The following JAKMIP3 variants were observed in gnomAD, a reference collection of about 807,000 sequenced individuals.
The protein encoded by JAKMIP3 is janus kinase and microtubule-interacting protein 3.
In JAKMIP3, 58 loss-of-function variants were observed where a neutral mutation model predicts 118.5. The observed-to-expected ratio is 0.49, with a 90% confidence interval of 0.40 to 0.61. The LOEUF is 0.61. Among genes scored for constraint, JAKMIP3 ranks in the 20% least tolerant of loss-of-function variants. The pLI, the probability that JAKMIP3 is intolerant of heterozygous loss-of-function variation, is 0.00. For synonymous variants in JAKMIP3, 486 were observed against 451.2 expected (o/e 1.08, Z -0.98); for missense variants, 950 against 1,109.0 (o/e 0.86, Z 2.04).
chr10:132,040,910 C>T lies in JAKMIP3; in HGVS notation c.-138+4172C>T, dbSNP rs375753970. On this transcript the variant is annotated intron_variant, in intron 1 of 23. Coordinates refer to the JAKMIP3 transcript ENST00000657785. ...GTTGTGATTTGACTATTTTCAACAC[C>T]TCATAGAACTGGAATCATGCAGTAC... Among the ~76,000 whole-genome samples, 26 of 152,224 alleles carry T rather than the reference C, an allele frequency of 1.7e-4. No individual in the cohort carries two copies. In the South Asian group the frequency reaches 5.4e-3, roughly 32 times the overall value.
intron 23 of JAKMIP3, among the ~76,000 whole-genome samples, chr10:132,180,606 T>TGTGC (rs2060855264): frequency 1.6e-4 from 4 of 24,800 alleles, no homozygotes; most frequent in African/African-American, 9.5e-4. Context: ...TGCGTGCGCG[T>TGTGC]GTGTGTGTGC....
rs2048002417 is a variant in JAKMIP3, at chr10:132,118,112, A to G, written c.633+538A>G. ...GGCCCCGGGGGGTGGGATGGCCCCC[A>G]GCTGCCCTGAGGTCCCTGTCTCTGC... On this transcript the variant is annotated intron_variant, in intron 3 of 23. Transcript: ENST00000684848. The surrounding 1 kb of genome is among the most constrained non-coding windows in gnomAD (Gnocchi z 4.8). Among the ~76,000 whole-genome samples, 1 of 152,114 alleles carries G rather than the reference A, an allele frequency of 6.6e-6. No homozygotes were observed. Among genetic ancestry groups the G allele is most frequent in the African/African-American group, 2.4e-5 (1 of 41,418 alleles).
At chr10:132,071,695 C>A (rs765942319) in intron 1 of JAKMIP3, among the ~76,000 whole-genome samples, 2 of 152,134 alleles carry the variant, frequency 1.3e-5, no homozygotes, top group Non-Finnish European at 2.9e-5. Flanking sequence ...ATGTATAGCT[C>A]TTGTTGTCCC....
chr10:132,069,092 C>G, intron 1 of JAKMIP3, among the ~76,000 whole-genome samples: 1 of 152,080 alleles, frequency 6.6e-6, no homozygotes, highest in East Asian at 1.9e-4. Context: ...GGAATCCTAC[C>G]CAGGCGCCAT....
intron 23 of JAKMIP3, among the ~76,000 whole-genome samples, chr10:132,176,010 C>T (rs1026567635): frequency 6.6e-6 from 1 of 152,242 alleles, no homozygotes; most frequent in Non-Finnish European, 1.5e-5. Context: ...CTGGGGGAAG[C>T]GCCCCTCCCT....
Position 132,117,266 on chromosome 10 carries a change from A to G in JAKMIP3, c.325A>G (p.Lys109Glu), listed in dbSNP as rs747520782. 6.2e-7 allele frequency: 1 copy of G among 1,613,958 alleles called. No individual in the cohort carries two copies. The highest frequency in any genetic ancestry group is 8.5e-7 in the Non-Finnish European group (1 of 1,179,880). Reference protein sequence around the residue: ...EAELLRVIKIKDNENQRLQAL... With the variant: ...EAELLRVIKIEDNENQRLQAL... The stretch of plus-strand genomic sequence containing the variant: ...TGAGCTGCTCAGGGTCATCAAGATC[A>G]AGGACAACGAGAACCAGCGGCTGCA... The change falls in exon 3 of 24, where the codon AAG becomes GAG. Residue 109 changes from lysine to glutamate, a missense_variant. Transcript: ENST00000684848. The surrounding 1 kb of genome is among the most constrained non-coding windows in gnomAD (Gnocchi z 8.6).
chr10:132,064,465 TG>T (rs1324204321), upstream of JAKMIP3, among the ~76,000 whole-genome samples: 3 of 152,074 alleles, frequency 2.0e-5, no homozygotes, highest in African/African-American at 7.2e-5. The surrounding 1 kb of genome is among the most constrained non-coding windows in gnomAD (Gnocchi z 4.4). Context: ...GAACCCTCTT[TG>T]CTTCAGGGCA....
In JAKMIP3 at chr10:132,137,007, T is replaced by C. The variant is rs769001612; in HGVS notation, c.1117-12T>C. The C allele has an allele frequency of 6.2e-7, 1 of 1,612,086 alleles. No individual in the cohort carries two copies. The highest frequency in any genetic ancestry group is 2.2e-5 in the East Asian group (1 of 44,866). On this transcript the variant is annotated splice_polypyrimidine_tract_variant and intron_variant, in intron 6 of 23. Transcript: ENST00000684848. ...CTCCCCAACTTGTGATGTGGGCTGC[T>C]TGGCGTTTCAGAGACAGAGAGCTGG... is the stretch of plus-strand genomic sequence containing the variant.
At chr10:132,135,354 A>G (rs2051529864) in intron 5 of JAKMIP3, among the ~76,000 whole-genome samples, 194 bp downstream of exon 5, 1 of 152,194 alleles carries the variant, frequency 6.6e-6, no homozygotes, top group South Asian at 2.1e-4. Flanking sequence ...TTTGCCCCTC[A>G]AGGGCTGGTT....
chr10:132,139,393 A>G (rs565907427), intron 9 of JAKMIP3, among the ~76,000 whole-genome samples: 23 of 96,006 alleles, frequency 2.4e-4, no homozygotes, highest in African/African-American at 1.1e-3. Flanking sequence ...TGAGTGTATG[A>G]GTATGTGAGT....
chr10:132,147,924 C>T (rs756557719), intron 13 of JAKMIP3, 28 bp from the exon 14 acceptor site: 1 of 1,511,844 alleles, frequency 6.6e-7, no homozygotes. Context: ...AACCAGACCC[C>T]TCACCTCATG....
chr10:132,149,993 T>C lies in JAKMIP3; in HGVS notation c.1959T>C (p.Val653=). The C allele has an allele frequency of 1.3e-6, 2 of 1,580,598 alleles. No individual in the cohort carries two copies. Among genetic ancestry groups the C allele is most frequent in the Middle Eastern group, 1.7e-4 (1 of 6,006 alleles). Reference sequence around the variant, plus strand: ...CCTCTGTGCCTTAGGACATTGTGGTTGCGGAGCTGATGAAGAAGCTGGACA... The same window carrying C: ...CCTCTGTGCCTTAGGACATTGTGGTCGCGGAGCTGATGAAGAAGCTGGACA... ...CEAEGVTDIV[V]AELMKKLDIL... Residue 653 remains valine, a synonymous_variant, in exon 16 of 24, where the codon GTT becomes GTC. Coordinates refer to ENST00000684848, the MANE Select transcript of JAKMIP3 (RefSeq NM_001323087.2).
intron 3 of JAKMIP3, among the ~76,000 whole-genome samples, chr10:132,131,432 G>A (rs557580846): frequency 6.6e-6 from 1 of 151,396 alleles, no homozygotes; most frequent in South Asian, 2.1e-4. Flanking sequence ...AGGGTATGGG[G>A]GCCTGAGAGA....
chr10:132,045,263 G>A (rs9419165), intron 1 of JAKMIP3, among the ~76,000 whole-genome samples: 131,397 of 152,124 alleles, frequency 0.86, 56,811 homozygotes, highest in East Asian at 1. Context: ...GCGTTTCCCC[G>A]GTGAGCAGGG....
intron 1 of JAKMIP3, among the ~76,000 whole-genome samples, chr10:132,099,772 C>T (rs764554031): frequency 4.6e-5 from 7 of 152,230 alleles, no homozygotes; most frequent in East Asian, 1.9e-4. Context: ...CCCTGGGCAC[C>T]GCCTGCCCTG....
intron 19 of JAKMIP3, among the ~76,000 whole-genome samples, chr10:132,155,214 A>G (rs1315263704): frequency 3.3e-5 from 5 of 150,774 alleles, no homozygotes; most frequent in East Asian, 2.0e-4. Flanking sequence ...ATAGTGATCA[A>G]TGATGATGGT....
At chr10:132,036,772 G>A in intron 1 of JAKMIP3, among the ~76,000 whole-genome samples, 1 of 151,448 alleles carries the variant, frequency 6.6e-6, no homozygotes, top group East Asian at 1.9e-4. Flanking sequence ...CGCGACCGGG[G>A]GCCGGGCCTC....
At chr10:132,075,464 C>T (rs943561594) in intron 1 of JAKMIP3, among the ~76,000 whole-genome samples, 1 of 135,848 alleles carries the variant, frequency 7.4e-6, no homozygotes, top group Admixed American at 8.4e-5. Context: ...TGGAGTGCTG[C>T]AGTGGTGTGA....
intron 2 of JAKMIP3, 124 bp downstream of exon 2, chr10:132,105,067 C>T: frequency 8.8e-7 from 1 of 1,137,706 alleles, no homozygotes; most frequent in Non-Finnish European, 1.2e-6. Context: ...GTCCTAAAGG[C>T]TGCTTGGGAC....
Sources: allele counts gnomAD v4.1 joint callset (sites outside exome capture counted in the v4.1 genomes callset), GRCh38; gene constraint gnomAD v4.1.1; non-coding constraint Gnocchi (gnomAD v3.1); transcripts MANE v1.5; gene names NCBI Gene and HGNC (gene_info 2026-07-23, HGNC 2026-07-21).